TMEM232: variants seen among roughly 807,000 people sequenced by gnomAD.
TMEM232 encodes the protein transmembrane protein 232.
TMEM232 carries 80 observed loss-of-function variants against 78.8 expected under a neutral mutation model. The observed-to-expected ratio is 1.01, with a 90% CI of 0.85 to 1.22. The LOEUF is 1.22. Among genes scored for constraint, TMEM232 ranks in the 50% most tolerant of loss-of-function variants. The pLI is 0.00. For synonymous variants in TMEM232, 297 were observed against 254.3 expected, an observed-to-expected ratio of 1.17 and a Z score of -1.60; for missense variants, 881 against 742.2, an observed-to-expected ratio of 1.19 and a Z score of -2.17.
intron 1 of TMEM232, among the ~76,000 whole-genome samples, chr5:110,705,072 A>G (rs1795793089): frequency 6.6e-6 from 1 of 152,162 alleles, no homozygotes; most frequent in Admixed American, 6.6e-5. Flanking sequence ...CTTTTGGCAT[A>G]TCCAAACTAA....
intron 2 of TMEM232, among the ~76,000 whole-genome samples, chr5:110,403,467 C>T (rs1266376268): frequency 6.6e-6 from 1 of 151,956 alleles, no homozygotes; most frequent in Non-Finnish European, 1.5e-5. Flanking sequence ...TTCGGCTATC[C>T]ATAGATTGTC....
chr5:110,581,129 C>G (rs1322712924), intron 10 of TMEM232, among the ~76,000 whole-genome samples: 2 of 151,714 alleles, frequency 1.3e-5, no homozygotes, highest in Non-Finnish European at 2.9e-5. Context: ...ACCAAACTAC[C>G]AGTATTATTT....
intron 1 of TMEM232, among the ~76,000 whole-genome samples, chr5:110,675,233 C>T (rs573437153): frequency 1.3e-5 from 2 of 151,834 alleles, no homozygotes; most frequent in Admixed American, 6.6e-5. Flanking sequence ...TTAGTAGAGA[C>T]GGGGTTTCAC....
intron 12 of TMEM232, among the ~76,000 whole-genome samples, chr5:110,512,146 G>T (rs1285002274): frequency 2.0e-5 from 3 of 152,112 alleles, no homozygotes; most frequent in African/African-American, 7.2e-5. Context: ...AATATGTGTG[G>T]TTTTAATTAA....
intron 11 of TMEM232, among the ~76,000 whole-genome samples, chr5:110,559,736 T>C (rs1445412983): frequency 6.6e-6 from 1 of 152,164 alleles, no homozygotes; most frequent in East Asian, 1.9e-4. Context: ...CCACAAAATT[T>C]GTGACTTAAA....
At chr5:110,582,101 G>A (rs1156780730) in intron 10 of TMEM232, among the ~76,000 whole-genome samples, 2 of 152,008 alleles carry the variant, frequency 1.3e-5, no homozygotes, top group East Asian at 1.9e-4. Context: ...GCAGTTTGGA[G>A]ATTTCTCAAA....
chr5:110,598,290 G>A (rs1780442147), intron 10 of TMEM232, among the ~76,000 whole-genome samples: 1 of 152,126 alleles, frequency 6.6e-6, no homozygotes, highest in Non-Finnish European at 1.5e-5. Context: ...TCAGAGAAAT[G>A]CAAATCAAAA....
intron 10 of TMEM232, among the ~76,000 whole-genome samples, chr5:110,594,917 C>T (rs1268715090): frequency 6.6e-6 from 1 of 152,212 alleles, no homozygotes; most frequent in South Asian, 2.1e-4. Context: ...AGTGCTTAAG[C>T]TCTGCTAAAG....
At chr5:110,457,876 AATAAT>A (rs1259308271) in intron 12 of TMEM232, among the ~76,000 whole-genome samples, 1 of 152,102 alleles carries the variant, frequency 6.6e-6, no homozygotes, top group African/African-American at 2.4e-5. Context: ...TATCATAGAT[AATAAT>A]ATATGATGTA....
intron 12 of TMEM232, among the ~76,000 whole-genome samples, chr5:110,522,775 A>G (rs1769739029): frequency 6.6e-6 from 1 of 152,130 alleles, no homozygotes. Flanking sequence ...CCCTTTAGTC[A>G]TGATGTATGA....
At chr5:110,558,589 G>T (rs939951212) in intron 11 of TMEM232, among the ~76,000 whole-genome samples, 1 of 152,076 alleles carries the variant, frequency 6.6e-6, no homozygotes, top group African/African-American at 2.4e-5. Context: ...AGACAAGGGG[G>T]TGCTCAGATA....
At chr5:110,671,120 T>C (rs1791298770) in intron 1 of TMEM232, among the ~76,000 whole-genome samples, 1 of 152,096 alleles carries the variant, frequency 6.6e-6, no homozygotes, top group African/African-American at 2.4e-5. Flanking sequence ...AAAGAAGACA[T>C]ATATGAGGCC....
chr5:110,415,890 G>A (rs969340956), downstream of TMEM232, among the ~76,000 whole-genome samples: 8 of 152,066 alleles, frequency 5.3e-5, no homozygotes, highest in African/African-American at 1.9e-4. Flanking sequence ...CCAAAATAGA[G>A]TCAGCTTCGG....
intron 12 of TMEM232, among the ~76,000 whole-genome samples, chr5:110,437,172 G>A (rs552407335): frequency 6.6e-6 from 1 of 151,542 alleles, no homozygotes; most frequent in South Asian, 2.1e-4. Flanking sequence ...TACTTCTTTG[G>A]TTAATTCCTA....
At chr5:110,565,566 G>A (rs572231116) in intron 11 of TMEM232, among the ~76,000 whole-genome samples, 1 of 152,092 alleles carries the variant, frequency 6.6e-6, no homozygotes, top group African/African-American at 2.4e-5. Flanking sequence ...TAAGGCTGAG[G>A]AATAACTTGT....
In TMEM232 at chr5:110,460,944, A is replaced by G. The variant is rs183149163; in HGVS notation, c.1704-36028T>C. The stretch of plus-strand genomic sequence containing the variant: ...ACATTGTACGTGTTCTGACTGCTCA[A>G]CTGACCAGTTTTTCCCCCATCTCTC... On this transcript the variant is annotated intron_variant, in intron 12 of 13. Coordinates refer to ENST00000455884, the MANE Select transcript of TMEM232 (RefSeq NM_001039763.4). 3.0e-3 allele frequency among the ~76,000 whole-genome samples: 450 copies of G among 152,160 alleles called. 8 individuals are homozygous for G. The highest frequency in any genetic ancestry group is 1.6e-3 in the Non-Finnish European group (111 of 68,000).
chr5:110,473,990 G>C (rs900458491), intron 12 of TMEM232, among the ~76,000 whole-genome samples: 2 of 148,876 alleles, frequency 1.3e-5, no homozygotes, highest in Non-Finnish European at 3.0e-5. Flanking sequence ...GGGGAGAGTA[G>C]GGGGTAGAGA....
intron 12 of TMEM232, among the ~76,000 whole-genome samples, chr5:110,527,177 G>A (rs1206532833): frequency 6.6e-6 from 1 of 151,798 alleles, no homozygotes; most frequent in Non-Finnish European, 1.5e-5. Flanking sequence ...GAAATTTGGA[G>A]CATTTTTTGT....
intron 6 of TMEM232, 198 bp from the exon 7 acceptor site, chr5:110,625,631 A>T (rs1784335325): frequency 2.8e-6 from 1 of 352,536 alleles, no homozygotes; most frequent in Non-Finnish European, 5.0e-6. Context: ...ATTTATACGT[A>T]AGAGTTTATA....
Sources: gnomAD v4.1 joint callset for allele counts (sites outside exome capture counted in the v4.1 genomes callset) on GRCh38, gnomAD v4.1.1 for gene constraint, MANE v1.5 for transcripts, NCBI Gene and HGNC (gene_info 2026-07-23, HGNC 2026-07-21) for gene names.